DMD: variants seen among roughly 807,000 people sequenced by gnomAD.
DMD encodes the protein dystrophin.
A neutral mutation model predicts 330.1 loss-of-function variants in DMD; 63 were observed. The observed-to-expected ratio is 0.19, with a 90% CI of 0.16 to 0.24. DMD has a LOEUF of 0.24. Ranked by LOEUF, DMD falls within the 10% of genes least tolerant of loss-of-function variation. DMD has a pLI of 1.00. For missense variants in DMD, 3,344 were observed against 2,684.1 expected (o/e 1.25, Z -5.43); for synonymous variants, 1,223 against 959.8 (o/e 1.27, Z -5.07).
intron 7 of DMD, among the ~76,000 whole-genome samples, chrX:32,769,428 T>C (rs1042257500): frequency 4.5e-5 from 5 of 111,399 alleles, no homozygotes; most frequent in Non-Finnish European, 9.4e-5. Flanking sequence ...CCAGAACACG[T>C]GGGAATTCAA....
intron 45 of DMD, among the ~76,000 whole-genome samples, chrX:31,955,091 G>A (rs1046033111): frequency 9.1e-6 from 1 of 109,705 alleles, no homozygotes; most frequent in African/African-American, 3.3e-5. Flanking sequence ...TTGGAGGATC[G>A]CTTGAACCTG....
At chrX:31,243,445 A>G (rs2048546487) in intron 63 of DMD, among the ~76,000 whole-genome samples, 1 of 112,213 alleles carries the variant, frequency 8.9e-6, no homozygotes, top group Non-Finnish European at 1.9e-5. Context: ...TACCAACTAG[A>G]GCCCCTCAAC....
chrX:32,255,901 G>A (rs2097296529), intron 43 of DMD, among the ~76,000 whole-genome samples: 1 of 111,843 alleles, frequency 8.9e-6, no homozygotes, highest in African/African-American at 3.3e-5. Flanking sequence ...ACTGCATCAA[G>A]TGAGAGACTT....
At chrX:31,165,334 G>T (rs2039301499) in intron 74 of DMD, among the ~76,000 whole-genome samples, 1 of 112,335 alleles carries the variant, frequency 8.9e-6, no homozygotes, top group Non-Finnish European at 1.9e-5. Context: ...TCCTGAGTAG[G>T]TATTAAGAAT....
chrX:31,733,916 T>C (rs1466777548), intron 51 of DMD, among the ~76,000 whole-genome samples: 1 of 111,609 alleles, frequency 9.0e-6, no homozygotes, highest in African/African-American at 3.2e-5. Context: ...ACTTCTTTTT[T>C]GAATGTTCTA....
intron 44 of DMD, among the ~76,000 whole-genome samples, chrX:32,114,195 G>A (rs2096600611): frequency 9.0e-6 from 1 of 111,384 alleles, no homozygotes; most frequent in African/African-American, 3.3e-5. Flanking sequence ...TTAATATCAT[G>A]GGCATAACAA....
chrX:31,284,578 C>CTT (rs759998696), intron 62 of DMD, among the ~76,000 whole-genome samples: 2 of 93,287 alleles, frequency 2.1e-5, no homozygotes, highest in African/African-American at 8.5e-5. Context: ...TCTTCTTCTT[C>CTT]TTCTTCTTCT....
chrX:32,372,240 G>A (rs1349879811), intron 34 of DMD, among the ~76,000 whole-genome samples: 3 of 111,723 alleles, frequency 2.7e-5, no homozygotes, highest in Admixed American at 9.6e-5. Flanking sequence ...TGCAAGTTAC[G>A]TTTAAACAGA....
intron 30 of DMD, among the ~76,000 whole-genome samples, chrX:32,397,321 G>A (rs763418898): frequency 7.2e-5 from 8 of 111,537 alleles, no homozygotes; most frequent in Admixed American, 9.6e-5. Context: ...TATCAGCCTG[G>A]CTTCGTATAA....
At chrX:32,773,328 A>G (rs2073820500) in intron 7 of DMD, among the ~76,000 whole-genome samples, 1 of 111,327 alleles carries the variant, frequency 9.0e-6, no homozygotes, top group African/African-American at 3.3e-5. Flanking sequence ...ATATTTTGAT[A>G]CATGAATACA....
At chrX:32,739,576 G>A (rs991877831) in intron 7 of DMD, among the ~76,000 whole-genome samples, 1 of 111,720 alleles carries the variant, frequency 9.0e-6, no homozygotes, top group African/African-American at 3.3e-5. Flanking sequence ...TCCACCAGAG[G>A]AAAAGAAATA....
chrX:31,682,951 A>T (rs200538977), intron 52 of DMD, among the ~76,000 whole-genome samples: 1 of 111,979 alleles, frequency 8.9e-6, no homozygotes, highest in African/African-American at 3.2e-5. Context: ...TTAATCCTGG[A>T]AAAAGAAGGA....
intron 2 of DMD, among the ~76,000 whole-genome samples, chrX:32,866,727 GGGGGGGT>G (rs1232551116): frequency 3.3e-4 from 10 of 30,491 alleles, no homozygotes; most frequent in Middle Eastern, 8.7e-3. Context: ...TTTTTTTTGG[GGGGGGGT>G]GGGGGGGTGG....
intron 55 of DMD, among the ~76,000 whole-genome samples, chrX:31,543,252 C>T (rs949035965): frequency 9.0e-6 from 1 of 111,258 alleles, no homozygotes; most frequent in African/African-American, 3.3e-5. Context: ...CTCACTGCAA[C>T]CTCCGCCTCC....
chrX:31,935,305 C>T (rs1274735511), intron 45 of DMD, among the ~76,000 whole-genome samples: 1 of 111,466 alleles, frequency 9.0e-6, no homozygotes, highest in Non-Finnish European at 1.9e-5. Flanking sequence ...GCCTGGGACA[C>T]GGAGTACAGA....
intron 2 of DMD, among the ~76,000 whole-genome samples, chrX:32,972,993 G>A (rs1421186232): frequency 2.7e-5 from 3 of 111,619 alleles, no homozygotes; most frequent in African/African-American, 9.8e-5. Flanking sequence ...AGATTTGATA[G>A]GATTTTCACC....
At chrX:31,459,717 A>G (rs998195821) in intron 59 of DMD, among the ~76,000 whole-genome samples, 14 of 112,174 alleles carry the variant, frequency 1.2e-4, no homozygotes, top group African/African-American at 4.5e-4. Context: ...CTCCAGCCTC[A>G]TTCTGGTTAA....
intron 1 of DMD, among the ~76,000 whole-genome samples, chrX:33,277,077 C>T (rs1259349579): frequency 9.0e-6 from 1 of 111,555 alleles, no homozygotes; most frequent in African/African-American, 3.3e-5. Context: ...GATGTACCAT[C>T]ACCTCAAGAC....
At chrX:32,462,273 A>G (rs1215447282) in intron 25 of DMD, among the ~76,000 whole-genome samples, 1 of 111,501 alleles carries the variant, frequency 9.0e-6, no homozygotes, top group Non-Finnish European at 1.9e-5. Context: ...AACAACTAAT[A>G]AAATAGAACA....
Sources: gnomAD v4.1 joint callset for allele counts (sites outside exome capture counted in the v4.1 genomes callset) on GRCh38, gnomAD v4.1.1 for gene constraint, MANE v1.5 for transcripts, NCBI Gene and HGNC (gene_info 2026-07-23, HGNC 2026-07-21) for gene names.